LHX4: variants seen among roughly 807,000 people sequenced by gnomAD.
LHX4 encodes LIM/homeobox protein Lhx4.
A neutral mutation model predicts 39.2 loss-of-function variants in LHX4; 16 were observed. That is an observed-to-expected ratio of 0.41 (90% CI 0.28 to 0.62). LHX4 has a LOEUF of 0.62. Among genes scored for constraint, LHX4 ranks in the 20% least tolerant of loss-of-function variants. The pLI is 0.33. For synonymous variants in LHX4, 206 were observed against 198.1 expected (o/e 1.04, Z -0.33); for missense variants, 439 against 511.9 (o/e 0.86, Z 1.37).
At chr1:180,242,689 A>G (rs886570220) in intron 1 of LHX4, among the ~76,000 whole-genome samples, 1 of 152,208 alleles carries the variant, frequency 6.6e-6, no homozygotes, top group East Asian at 1.9e-4. Context: ...AGCATTTCCA[A>G]AGATTCTTTG....
intron 2 of LHX4, among the ~76,000 whole-genome samples, chr1:180,265,415 C>G (rs1471596735): frequency 6.6e-6 from 1 of 152,188 alleles, no homozygotes; most frequent in Non-Finnish European, 1.5e-5. Context: ...CCCAAATTTC[C>G]CTCGTCTCCT....
chr1:180,264,594 TG>T (rs1208711746), intron 2 of LHX4, among the ~76,000 whole-genome samples: 4 of 152,342 alleles, frequency 2.6e-5, no homozygotes, highest in African/African-American at 9.6e-5. Context: ...ACAAGTATGG[TG>T]CTTTATCTGC....
In LHX4 at chr1:180,274,447, A is replaced by C; in HGVS notation, c.1041A>C (p.Gly347=). 6.2e-7 allele frequency: 1 copy of C among 1,614,204 alleles called. No homozygotes were observed. Among genetic ancestry groups the C allele is most frequent in the African/African-American group, 1.3e-5 (1 of 75,050 alleles). The part of the protein sequence containing the change: ...NLGIIAHAGQ[G]VSQTLRAMAG... ...GCATCATTGCGCATGCAGGGCAGGG[A>C]GTAAGCCAGACGCTGAGAGCCATGG... The change falls in exon 6 of 6, where the codon GGA becomes GGC. Residue 347 remains glycine (G), a synonymous_variant. Coordinates refer to ENST00000263726, the MANE Select transcript of LHX4 (RefSeq NM_033343.4).
intron 2 of LHX4, among the ~76,000 whole-genome samples, chr1:180,260,771 CCT>C (rs1252736039): frequency 2.0e-5 from 3 of 151,750 alleles, no homozygotes; most frequent in African/African-American, 7.3e-5. Context: ...GGGGACAGGC[CCT>C]CTCCTCGAGC....
chr1:180,256,931 T>C (rs553146636), intron 2 of LHX4, among the ~76,000 whole-genome samples: 2 of 152,208 alleles, frequency 1.3e-5, no homozygotes, highest in South Asian at 4.1e-4. Flanking sequence ...AAGAAGGGAA[T>C]ACTAATCCCT....
intron 5 of LHX4, 41 bp from the exon 6 acceptor site, chr1:180,274,144 T>C (rs1280581355): frequency 5.6e-6 from 9 of 1,613,440 alleles, no homozygotes; most frequent in Non-Finnish European, 7.6e-6. Flanking sequence ...ACCATCAGAG[T>C]CCTGGCAGCT....
chr1:180,250,346 T>C (rs1647572302), intron 2 of LHX4, among the ~76,000 whole-genome samples: 1 of 52,910 alleles, frequency 1.9e-5, no homozygotes, highest in Non-Finnish European at 3.8e-5. Flanking sequence ...TGTGTGTGTG[T>C]GTGCGCGCGT....
chr1:180,238,337 G>T (rs1664372441), intron 1 of LHX4, among the ~76,000 whole-genome samples: 1 of 152,116 alleles, frequency 6.6e-6, no homozygotes, highest in South Asian at 2.1e-4. Context: ...ACAGCTTCAG[G>T]TGTGATCATT....
At chr1:180,249,519 G>A (rs1050436958) in intron 2 of LHX4, among the ~76,000 whole-genome samples, 10 of 152,216 alleles carry the variant, frequency 6.6e-5, no homozygotes, top group Admixed American at 1.3e-4. Context: ...CCCAGGGGGC[G>A]CCAGGGAGGC....
rs538276966 is a variant in LHX4 at position 180,247,033 on chromosome 1, A to G, written c.77-1252A>G. ...ATACTGTAGGAGGCCAAACGCTTGC[A>G]CTTTTGTTTTTCTTCTTAATACTTG... On this transcript the variant is annotated intron_variant, in intron 1 of 5. Coordinates refer to ENST00000263726, the MANE Select transcript of LHX4 (RefSeq NM_033343.4). Among the ~76,000 whole-genome samples, 268 of 152,284 alleles carry G rather than the reference A, an allele frequency of 1.8e-3. 10 individuals are homozygous for G. In the South Asian group the frequency reaches 0.051, roughly 29 times the overall value.
At chr1:180,230,159 A>C, upstream of LHX4, 3 of 343,962 alleles carry the variant, frequency 8.7e-6, no homozygotes, top group Non-Finnish European at 1.1e-5. This position sits in a 1 kb window ranked among gnomAD's most constrained non-coding sequence, Gnocchi z 5.8. Context: ...TGCAGTGTGA[A>C]TGAATCAAAA....
chr1:180,263,069 G>T (rs1648170425), intron 2 of LHX4, among the ~76,000 whole-genome samples: 1 of 152,196 alleles, frequency 6.6e-6, no homozygotes, highest in Admixed American at 6.5e-5. Flanking sequence ...CTGCATGGGT[G>T]CCCGGTGATC....
rs1454556656 is a variant in LHX4 at position 180,274,525 on chromosome 1, C to G, written c.1119C>G (p.Asp373Glu). 2.5e-6 allele frequency: 4 copies of G among 1,606,582 alleles called. No homozygotes were observed. Among genetic ancestry groups the G allele is most frequent in the Non-Finnish European group, 3.4e-6 (4 of 1,175,982 alleles). The stretch of plus-strand genomic sequence containing the variant: ...CAGGAAGCAGTGTAGGCTATCCCGA[C>G]TTTCCAACTAGCCCAGGCTCTTGGC... ...ISTGSSVGYP[D>E]FPTSPGSWLD... is the part of the protein sequence containing the mutation. The change falls in exon 6 of 6, where the codon GAC becomes GAG. Residue 373 changes from aspartate (D) to glutamate (E), a missense_variant. Coordinates refer to ENST00000263726, the MANE Select transcript of LHX4 (RefSeq NM_033343.4).
At position 180,266,232 on chromosome 1, in the gene LHX4, T is replaced by C. The variant is rs1648306565; in HGVS notation, c.249-160T>C. Reference sequence around the variant, plus strand: ...CCAGGCACAAAGCAATGAAGCTAGATGGAGGCAGAGAGGACCAGACGGTAA... The same window carrying C: ...CCAGGCACAAAGCAATGAAGCTAGACGGAGGCAGAGAGGACCAGACGGTAA... On this transcript the variant is annotated intron_variant, in intron 2 of 5. Transcript: ENST00000263726. This position sits in a 1 kb window ranked among gnomAD's most constrained non-coding sequence, Gnocchi z 5.7. Among the ~76,000 whole-genome samples the C allele has an allele frequency of 6.6e-6, 1 of 152,086 alleles. No homozygotes were observed. Among genetic ancestry groups the C allele is most frequent in the Non-Finnish European group, 1.5e-5 (1 of 68,000 alleles).
At chr1:180,269,893 G>A (rs1027561983) in intron 3 of LHX4, 1 of 152,176 alleles carries the variant, frequency 6.6e-6, no homozygotes, top group Non-Finnish European at 1.5e-5. Context: ...CCTACCCTTC[G>A]GGTTCAGGGC....
Position 180,272,118 on chromosome 1 carries a change from AC to A in LHX4, c.778+113del, listed in dbSNP as rs575422958. ...TGAGGCCTTGGCAACTCCCTCCTGA[AC>A]ACAGGCTTTTCCTTAAGACTTGCAG... On this transcript the variant is annotated intron_variant, in intron 5 of 5. Coordinates refer to ENST00000263726, the MANE Select transcript of LHX4 (RefSeq NM_033343.4). 2.3e-4 allele frequency: 215 copies of A among 937,984 alleles called. 1 individual carries two copies. Among genetic ancestry groups the A allele is most frequent in the African/African-American group, 1.7e-3 (103 of 60,258 alleles). The allele number at this position is 937,984 out of a possible 1,614,324, so 58.1% of individuals were successfully genotyped here.
chr1:180,249,836 C>T (rs185261630), intron 2 of LHX4, among the ~76,000 whole-genome samples: 2 of 152,160 alleles, frequency 1.3e-5, no homozygotes, highest in Non-Finnish European at 2.9e-5. Context: ...ACTGTCACCA[C>T]GGTACTTTGC....
At chr1:180,256,119 T>G (rs1367345572) in intron 2 of LHX4, among the ~76,000 whole-genome samples, 1 of 152,236 alleles carries the variant, frequency 6.6e-6, no homozygotes, top group African/African-American at 2.4e-5. Flanking sequence ...TGGACATTCC[T>G]GCAGCCTCTG....
chr1:180,229,861 G>C (rs905559025), upstream of LHX4, among the ~76,000 whole-genome samples: 4 of 151,434 alleles, frequency 2.6e-5, no homozygotes, highest in African/African-American at 9.7e-5. Flanking sequence ...AACCCAGGGC[G>C]CCGCCGTCTC....
Sources: allele counts gnomAD v4.1 joint callset (sites outside exome capture counted in the v4.1 genomes callset), GRCh38; gene constraint gnomAD v4.1.1; non-coding constraint Gnocchi (gnomAD v3.1); transcripts MANE v1.5; gene names NCBI Gene and HGNC (gene_info 2026-07-23, HGNC 2026-07-21).